Variants in CD38 observed in about 807,000 individuals in gnomAD.
CD38 encodes the protein ADP-ribosyl cyclase/cyclic ADP-ribose hydrolase 1.
A neutral mutation model predicts 36.3 loss-of-function variants in CD38; 31 were observed. That is an observed-to-expected ratio of 0.85 (90% CI 0.64 to 1.15). The LOEUF is 1.15. CD38 is among the 50% of genes most tolerant of loss of function. The pLI is 0.00. For missense variants in CD38, 380 were observed against 371.9 expected (o/e 1.02, Z -0.18); for synonymous variants, 131 against 135.2 (o/e 0.97, Z 0.22).
At chr4:15,792,951 C>A (rs898602437) in intron 1 of CD38, among the ~76,000 whole-genome samples, 1 of 152,170 alleles carries the variant, frequency 6.6e-6, no homozygotes, top group Non-Finnish European at 1.5e-5. Flanking sequence ...ATTTCCCTCC[C>A]CCATTTAAGA....
chr4:15,787,366 G>T (rs1448320765), intron 1 of CD38, among the ~76,000 whole-genome samples: 2 of 152,208 alleles, frequency 1.3e-5, no homozygotes, highest in Admixed American at 6.5e-5. Context: ...ATGAAAATGT[G>T]GGGCTCATTT....
chr4:15,791,044 T>TGG (rs1246995244), intron 1 of CD38, among the ~76,000 whole-genome samples: 1 of 104,716 alleles, frequency 9.5e-6, no homozygotes, highest in Non-Finnish European at 2.0e-5. Flanking sequence ...GGGAGGGAGG[T>TGG]GGGGGGGGGT....
At chr4:15,825,350 A>G (rs1438168401) in intron 3 of CD38, 1 of 272,808 alleles carries the variant, frequency 3.7e-6, no homozygotes, top group African/African-American at 2.2e-5. Flanking sequence ...GTGAGGGAGG[A>G]AAGCAAGGAG....
At chr4:15,790,483 T>C (rs564836589) in intron 1 of CD38, among the ~76,000 whole-genome samples, 2 of 152,078 alleles carry the variant, frequency 1.3e-5, no homozygotes, top group Non-Finnish European at 2.9e-5. Flanking sequence ...CGGTGCTCGG[T>C]GGTGCCCAGG....
intron 1 of CD38, among the ~76,000 whole-genome samples, chr4:15,815,837 G>A (rs935188924): frequency 5.9e-5 from 9 of 152,098 alleles, no homozygotes; most frequent in South Asian, 2.1e-4. Context: ...TCCTTGTCTC[G>A]TGCCACTTTT....
At chr4:15,790,630 G>GC (rs1244188040) in intron 1 of CD38, among the ~76,000 whole-genome samples, 12 of 151,890 alleles carry the variant, frequency 7.9e-5, no homozygotes, top group Non-Finnish European at 1.2e-4. Context: ...TCTCTGCCTG[G>GC]CCCCCCATCG....
chr4:15,823,332 T>C (rs889585965), intron 2 of CD38, among the ~76,000 whole-genome samples: 3 of 152,178 alleles, frequency 2.0e-5, no homozygotes, highest in African/African-American at 7.2e-5. Context: ...TGGGATCTAA[T>C]TAAACTAAAG....
intron 2 of CD38, 92 bp from the exon 3 acceptor site, chr4:15,824,787 GCT>G (rs769404400): frequency 4.2e-6 from 4 of 957,462 alleles, no homozygotes; most frequent in East Asian, 2.4e-5. Flanking sequence ...ACTTTGATAT[GCT>G]CTGTTTTTTT....
chr4:15,821,614 C>G (rs1247168336), intron 2 of CD38, among the ~76,000 whole-genome samples: 2 of 148,548 alleles, frequency 1.3e-5, no homozygotes, highest in African/African-American at 5.0e-5. Context: ...TACACCCTCC[C>G]AAGACTGAAC....
intron 3 of CD38, chr4:15,825,287 G>A (rs530879755): frequency 2.7e-6 from 1 of 368,638 alleles, no homozygotes; most frequent in African/African-American, 2.1e-5. Context: ...GCCTGAGGCT[G>A]TTTCCACTCA....
intron 3 of CD38, chr4:15,826,091 A>G (rs1469655889): frequency 6.6e-6 from 1 of 152,028 alleles, no homozygotes; most frequent in Non-Finnish European, 1.5e-5. Context: ...ATTACTTTCA[A>G]TTACAAAAAT....
chr4:15,806,122 A>G (rs2148919668), intron 1 of CD38, among the ~76,000 whole-genome samples: 1 of 152,342 alleles, frequency 6.6e-6, no homozygotes, highest in South Asian at 2.1e-4. Flanking sequence ...TGACACCTGA[A>G]GTAGGCTGAC....
chr4:15,781,502 C>T (rs1722696027), intron 1 of CD38, among the ~76,000 whole-genome samples: 2 of 152,212 alleles, frequency 1.3e-5, no homozygotes, highest in African/African-American at 4.8e-5. Context: ...ATCTGCTGGA[C>T]AGGCCAGCAG....
chr4:15,825,667 C>T (rs1036508854), intron 3 of CD38: 1 of 152,296 alleles, frequency 6.6e-6, no homozygotes, highest in Non-Finnish European at 1.5e-5. Flanking sequence ...TAATTCCCTT[C>T]TTTTGAGTGC....
intron 1 of CD38, among the ~76,000 whole-genome samples, chr4:15,809,213 C>T (rs553419473): frequency 1.1e-4 from 16 of 151,998 alleles, no homozygotes; most frequent in African/African-American, 3.9e-4. Flanking sequence ...GGCTAACTGG[C>T]GGTAAGAAAT....
rs544899692 is a variant in CD38, at chr4:15,779,509, AGG to A, written c.233+866_233+867del. 5.3e-3 allele frequency among the ~76,000 whole-genome samples: 800 copies of A among 152,316 alleles called. 15 individuals carry two copies. The highest frequency in any genetic ancestry group is 0.018 in the African/African-American group (758 of 41,566). ...AACAGAAGAAGCCGGGAAGGCAGGC[AGG>A]GGGAGCTGCTACTTTACACTCTGTG... On this transcript the variant is annotated intron_variant, in intron 1 of 7. Transcript: ENST00000226279.
chr4:15,798,616 G>A (rs1342661823), intron 1 of CD38, among the ~76,000 whole-genome samples: 2 of 152,208 alleles, frequency 1.3e-5, no homozygotes, highest in African/African-American at 4.8e-5. Flanking sequence ...AAATCTTCTG[G>A]AGAGTACGGA....
At chr4:15,795,141 G>A (rs1363627676) in intron 1 of CD38, among the ~76,000 whole-genome samples, 3 of 152,040 alleles carry the variant, frequency 2.0e-5, no homozygotes, top group African/African-American at 7.2e-5. Flanking sequence ...TGAATAAGGG[G>A]GTGGTGGGAA....
At chr4:15,818,054 C>T (rs969363056) in intron 2 of CD38, among the ~76,000 whole-genome samples, 1 of 151,780 alleles carries the variant, frequency 6.6e-6, no homozygotes, top group African/African-American at 2.4e-5. Flanking sequence ...CAAGTGGTCT[C>T]GCTCAGCGGG....
Sources: gnomAD v4.1 joint callset for allele counts (sites outside exome capture counted in the v4.1 genomes callset) on GRCh38, gnomAD v4.1.1 for gene constraint, MANE v1.5 for transcripts, NCBI Gene and HGNC (gene_info 2026-07-23, HGNC 2026-07-21) for gene names.